The following NREP variants were observed in gnomAD, a reference collection of about 807,000 sequenced individuals.
NREP encodes neuronal regeneration related protein.
NREP carries 5 observed loss-of-function variants against 8.6 expected under a neutral mutation model. The ratio of observed to expected loss-of-function variants is 0.58; its 90% CI spans 0.30 to 1.22. The LOEUF (loss-of-function observed/expected upper bound fraction) is 1.22. Among genes scored for constraint, NREP ranks in the 50% most tolerant of loss-of-function variants. NREP has a pLI of 0.07. For synonymous variants in NREP, 27 were observed against 28.0 expected, an observed-to-expected ratio of 0.96 and a Z score of 0.11; for missense variants, 86 against 82.5, an observed-to-expected ratio of 1.04 and a Z score of -0.17.
At chr5:111,869,709 T>C (rs1309884462) in intron 2 of NREP, among the ~76,000 whole-genome samples, 2 of 152,106 alleles carry the variant, frequency 1.3e-5, no homozygotes, top group Non-Finnish European at 1.5e-5. Context: ...GGGATATATT[T>C]TGAGAAGCAT....
intron 2 of NREP, among the ~76,000 whole-genome samples, chr5:111,785,635 T>C (rs1751591814): frequency 6.6e-6 from 1 of 152,162 alleles, no homozygotes; most frequent in African/African-American, 2.4e-5. Flanking sequence ...AATATGTGCA[T>C]ACTTTGGTAA....
At chr5:111,912,025 CCTGT>C in intron 2 of NREP, among the ~76,000 whole-genome samples, 1 of 152,138 alleles carries the variant, frequency 6.6e-6, no homozygotes, top group East Asian at 1.9e-4. Flanking sequence ...AATATAAATT[CCTGT>C]CTGTCTACCT....
At chr5:111,823,372 T>G (rs983534444) in intron 2 of NREP, among the ~76,000 whole-genome samples, 3 of 152,204 alleles carry the variant, frequency 2.0e-5, no homozygotes, top group African/African-American at 7.2e-5. Context: ...CATGTTTGCA[T>G]GTATCTCTAT....
chr5:111,936,387 C>T (rs138572448), intron 2 of NREP, among the ~76,000 whole-genome samples: 1 of 152,184 alleles, frequency 6.6e-6, no homozygotes, highest in Non-Finnish European at 1.5e-5. Context: ...CTTGCTTCCC[C>T]TTCACCTTTC....
At chr5:111,747,882 T>G (rs1249248181) in intron 2 of NREP, among the ~76,000 whole-genome samples, 1 of 152,154 alleles carries the variant, frequency 6.6e-6, no homozygotes, top group Non-Finnish European at 1.5e-5. Flanking sequence ...GGCAAAAAGC[T>G]TAGATTAGAA....
At chr5:111,774,723 C>G (rs566041662) in intron 2 of NREP, among the ~76,000 whole-genome samples, 4 of 152,174 alleles carry the variant, frequency 2.6e-5, no homozygotes, top group Non-Finnish European at 5.9e-5. Context: ...ATTCTGCCAA[C>G]AACCTGAATG....
chr5:111,781,001 A>G (rs1751480560), intron 2 of NREP, among the ~76,000 whole-genome samples: 1 of 150,598 alleles, frequency 6.6e-6, no homozygotes, highest in East Asian at 1.9e-4. Flanking sequence ...TTTAACAAAC[A>G]ACATCTTTTC....
At chr5:111,873,216 T>C (rs1753828566) in intron 2 of NREP, among the ~76,000 whole-genome samples, 1 of 152,158 alleles carries the variant, frequency 6.6e-6, no homozygotes, top group African/African-American at 2.4e-5. Flanking sequence ...GTCAGAAGAA[T>C]AACTGAGGAG....
intron 2 of NREP, among the ~76,000 whole-genome samples, chr5:111,810,956 A>T (rs1203497538): frequency 2.0e-5 from 3 of 152,202 alleles, no homozygotes; most frequent in Non-Finnish European, 4.4e-5. Flanking sequence ...TACTCTGCAA[A>T]TTAATTGAGG....
intron 2 of NREP, among the ~76,000 whole-genome samples, chr5:111,879,598 T>C (rs928743874): frequency 6.6e-6 from 1 of 152,210 alleles, no homozygotes; most frequent in Non-Finnish European, 1.5e-5. Flanking sequence ...CCTGATCCCA[T>C]GTAGTAGATG....
rs557118047 is a variant in NREP at position 111,920,183 on chromosome 5, G to T, written c.135+55091C>A. ...TCTGTTTGGAAAATTGCCTTTCCCT[G>T]GTGCCTGCAATCAATTATCACTTTA... On this transcript the variant is annotated intron_variant, in intron 2 of 3. Coordinates refer to the NREP transcript ENST00000395634. Among the ~76,000 whole-genome samples, 11 of 152,126 alleles carry T rather than the reference G, an allele frequency of 7.2e-5. No individual in the cohort carries two copies. In the South Asian group the frequency reaches 2.3e-3, roughly 32 times the overall value.
intron 2 of NREP, among the ~76,000 whole-genome samples, chr5:111,796,428 A>G (rs1294186768): frequency 1.3e-5 from 2 of 152,178 alleles, no homozygotes; most frequent in Admixed American, 6.5e-5. Flanking sequence ...TAGAATGTGA[A>G]TATCTTTAGG....
intron 2 of NREP, among the ~76,000 whole-genome samples, chr5:111,771,426 T>TAC (rs111799670): frequency 0.043 from 6,336 of 147,184 alleles, 128 homozygotes; most frequent in South Asian, 0.066. Flanking sequence ...CATAGTCTTT[T>TAC]ACACACACAC....
chr5:111,816,036 T>A (rs1435022498), intron 2 of NREP, among the ~76,000 whole-genome samples: 1 of 152,166 alleles, frequency 6.6e-6, no homozygotes, highest in African/African-American at 2.4e-5. Flanking sequence ...TCAACAAGAT[T>A]AATGAAAGCC....
intron 2 of NREP, among the ~76,000 whole-genome samples, chr5:111,932,451 G>T (rs1755567610): frequency 6.6e-6 from 1 of 152,076 alleles, no homozygotes; most frequent in African/African-American, 2.4e-5. Context: ...TCTAAGTTTA[G>T]ACTTAGATCT....
intron 2 of NREP, among the ~76,000 whole-genome samples, chr5:111,951,646 A>G (rs879071699): frequency 3.9e-5 from 6 of 152,092 alleles, no homozygotes; most frequent in Admixed American, 6.6e-5. Context: ...TGAGTATTCA[A>G]TTTTACCAAA....
At chr5:111,857,532 A>T (rs1753451782) in intron 2 of NREP, among the ~76,000 whole-genome samples, 1 of 152,138 alleles carries the variant, frequency 6.6e-6, no homozygotes, top group Non-Finnish European at 1.5e-5. Context: ...GAGGGTGTGG[A>T]TCATATGGTA....
chr5:111,950,890 C>A (rs1038351264), intron 2 of NREP, among the ~76,000 whole-genome samples: 28 of 152,014 alleles, frequency 1.8e-4, no homozygotes, highest in Non-Finnish European at 3.2e-4. Flanking sequence ...CTGCTTTACT[C>A]ACCATTTGTG....
chr5:111,800,772 T>C (rs1751987009), intron 2 of NREP, among the ~76,000 whole-genome samples: 1 of 152,254 alleles, frequency 6.6e-6, no homozygotes, highest in Non-Finnish European at 1.5e-5. Context: ...ATATATGTTA[T>C]TAGCCAATCT....
Sources: allele counts gnomAD v4.1 joint callset (sites outside exome capture counted in the v4.1 genomes callset), GRCh38; gene constraint gnomAD v4.1.1; transcripts MANE v1.5; gene names NCBI Gene and HGNC (gene_info 2026-07-23, HGNC 2026-07-21).